Variants in COX10 observed in about 807,000 individuals in gnomAD.
COX10 encodes cytochrome c oxidase assembly factor heme A:farnesyltransferase COX10, also known as protoheme IX farnesyltransferase, mitochondrial.
A neutral mutation model predicts 37.3 loss-of-function variants in COX10; 27 were observed. That is an observed-to-expected ratio of 0.72 (90% CI 0.53 to 1.00). The LOEUF (loss-of-function observed/expected upper bound fraction) is 1.00, where lower values mean the gene tolerates loss of function less well. Among genes scored for constraint, COX10 ranks in the 50% least tolerant of loss-of-function variants. The pLI is 0.00. For synonymous variants in COX10, 222 were observed against 229.1 expected (o/e 0.97, Z 0.28); for missense variants, 475 against 563.2 (o/e 0.84, Z 1.59).
At chr17:14,120,441 AG>A (rs1355018144) in intron 4 of COX10, among the ~76,000 whole-genome samples, 1 of 152,242 alleles carries the variant, frequency 6.6e-6, no homozygotes, top group African/African-American at 2.4e-5. Context: ...GACATAAAGA[AG>A]AAAACCAAGG....
chr17:14,192,174 T>A lies in COX10; in HGVS notation c.881T>A (p.Ile294Asn). 1 of 1,614,234 alleles carries A rather than the reference T, an allele frequency of 6.2e-7. No homozygotes were observed. Among genetic ancestry groups the A allele is most frequent in the Non-Finnish European group, 8.5e-7 (1 of 1,180,026 alleles). The stretch of plus-strand genomic sequence containing the variant: ...TGGGTCGGAGCTGTGGTTGGGGCCA[T>A]CCCGCCTGTCATGGGCTGGACAGCG... ...NTWVGAVVGA[I>N]PPVMGWTAAT... is the part of the protein sequence containing the mutation. Residue 294 changes from isoleucine (I) to asparagine (N), a missense_variant, in exon 6 of 7, where the codon ATC (isoleucine) becomes AAC (asparagine). Physicochemically the swap from Ile to Asn is moderately radical, Grantham distance 149. Transcript: ENST00000261643.
At chr17:14,162,897 G>A (rs985319808) in intron 5 of COX10, among the ~76,000 whole-genome samples, 38 of 152,256 alleles carry the variant, frequency 2.5e-4, no homozygotes, top group African/African-American at 7.5e-4. Flanking sequence ...TGCATTTGGC[G>A]GAAAATTCAG....
At chr17:14,090,660 T>A (rs1185932986) in intron 3 of COX10, among the ~76,000 whole-genome samples, 1 of 152,192 alleles carries the variant, frequency 6.6e-6, no homozygotes, top group African/African-American at 2.4e-5. Flanking sequence ...CTCAAACATG[T>A]ATACCTCACC....
At chr17:14,122,720 C>T (rs1161274813) in intron 4 of COX10, among the ~76,000 whole-genome samples, 4 of 152,172 alleles carry the variant, frequency 2.6e-5, no homozygotes, top group Non-Finnish European at 4.4e-5. Context: ...AGAATACTTG[C>T]ACCATCTCTT....
chr17:14,097,464 G>A (rs959978823), intron 3 of COX10, among the ~76,000 whole-genome samples: 5 of 151,788 alleles, frequency 3.3e-5, no homozygotes, highest in Non-Finnish European at 7.4e-5. Flanking sequence ...TCATTATTAT[G>A]TCTTACTATA....
In COX10 at chr17:14,097,045, C is replaced by A. The variant is rs537307024; in HGVS notation, c.500-5073C>A. 9.2e-5 allele frequency among the ~76,000 whole-genome samples: 14 copies of A among 152,126 alleles called. No homozygotes were observed. The South Asian group carries it at 2.9e-3, about 32-fold the overall frequency. On this transcript the variant is annotated intron_variant, in intron 3 of 6. Transcript: ENST00000261643. The stretch of plus-strand genomic sequence containing the variant: ...GATTTTATGTTTATTTGTGAAAGGG[C>A]AGAATACGAGATTACCAAATAAAAT...
In COX10 at chr17:14,112,348, C is replaced by T. The variant is rs557040492; in HGVS notation, c.624+10106C>T. Among the ~76,000 whole-genome samples the T allele has an allele frequency of 4.6e-5, 7 of 152,244 alleles. No homozygotes were observed. In the East Asian group the frequency reaches 1.2e-3, roughly 25 times the overall value. On this transcript the variant is annotated intron_variant, in intron 4 of 6. Coordinates refer to ENST00000261643, the MANE Select transcript of COX10 (RefSeq NM_001303.4). ...GCAGTTGAAATCCTCTTGACATTCA[C>T]CCACCTATTAGAAAGTAATTCTGAT...
intron 5 of COX10, chr17:14,179,232 A>G (rs1214138708): frequency 1.5e-5 from 15 of 983,564 alleles, no homozygotes; most frequent in Non-Finnish European, 1.8e-5. Flanking sequence ...GACACCGTTC[A>G]TCTACCATCT....
At chr17:14,077,312 T>C (rs574727645) in intron 3 of COX10, 1 of 454,816 alleles carries the variant, frequency 2.2e-6, no homozygotes, top group South Asian at 2.4e-5. Flanking sequence ...GTTGAATGTT[T>C]ATCCTGCTTA....
chr17:14,156,830 T>G (rs951191728), intron 4 of COX10, among the ~76,000 whole-genome samples: 23 of 152,208 alleles, frequency 1.5e-4, no homozygotes, highest in African/African-American at 4.8e-4. Flanking sequence ...TTTGCACAAC[T>G]CTGTCCTTCT....
Position 14,207,507 on chromosome 17 carries a change from T to TG in COX10, c.*299dup. 2.6e-6 allele frequency: 1 copy of TG among 390,446 alleles called. No individual in the cohort carries two copies. The highest frequency in any genetic ancestry group is 5.0e-5 in the East Asian group (1 of 20,190). 24.2% of individuals were successfully genotyped at this position (390,446 alleles called of 1,614,324 possible). On this transcript the variant is annotated 3_prime_UTR_variant, in exon 7 of 7. Coordinates refer to ENST00000261643, the MANE Select transcript of COX10 (RefSeq NM_001303.4). ...TCTATTCTGTTTCTTCCTCCTCACA[T>TG]GGGGGTACACATACACAGCTTCCTC... is the stretch of plus-strand genomic sequence containing the variant.
At chr17:14,169,582 T>A (rs1201921671) in intron 5 of COX10, among the ~76,000 whole-genome samples, 1 of 152,256 alleles carries the variant, frequency 6.6e-6, no homozygotes, top group African/African-American at 2.4e-5. Flanking sequence ...TGACTCACAG[T>A]TCCACATGGC....
intron 4 of COX10, among the ~76,000 whole-genome samples, chr17:14,123,124 G>A (rs562137045): frequency 2.1e-4 from 32 of 152,306 alleles, no homozygotes; most frequent in Admixed American, 4.6e-4. Context: ...ACAGTTCTCT[G>A]AGGTATATGG....
chr17:14,168,343 A>G (rs1291666521), intron 5 of COX10, among the ~76,000 whole-genome samples: 1 of 152,196 alleles, frequency 6.6e-6, no homozygotes, highest in Non-Finnish European at 1.5e-5. Context: ...ATGGGCTGCC[A>G]TTGAGTGCCT....
Position 14,159,742 on chromosome 17 carries a change from A to G in COX10, c.625-135A>G, listed in dbSNP as rs1179512035. ...TTTGTTTTTTTGGAATTTTTCTTCA[A>G]GAAGTGCCAGGGTATTGATTTATGC... On this transcript the variant is annotated intron_variant, in intron 4 of 6. Transcript: ENST00000261643. 9.5e-5 allele frequency: 64 copies of G among 670,464 alleles called. No homozygotes were observed. In the South Asian group the frequency reaches 1.1e-3, roughly 12 times the overall value. The allele number at this position is 670,464 out of a possible 1,614,324, so 41.5% of individuals were successfully genotyped here.
chr17:14,104,964 C>A (rs1348052022), intron 4 of COX10, among the ~76,000 whole-genome samples: 1 of 152,068 alleles, frequency 6.6e-6, no homozygotes, highest in Non-Finnish European at 1.5e-5. Flanking sequence ...TGGAAAAATC[C>A]ATAAAATGTT....
At chr17:14,154,171 G>T (rs1373139500) in intron 4 of COX10, among the ~76,000 whole-genome samples, 1 of 152,118 alleles carries the variant, frequency 6.6e-6, no homozygotes, top group Non-Finnish European at 1.5e-5. Context: ...TAACATTTTG[G>T]GGTGATTTGA....
chr17:14,133,344 C>T (rs936709042), intron 4 of COX10, among the ~76,000 whole-genome samples: 1 of 151,458 alleles, frequency 6.6e-6, no homozygotes, highest in Non-Finnish European at 1.5e-5. Context: ...TTTGGACTAA[C>T]TGGATTTGTA....
In COX10 at chr17:14,151,048, T is replaced by C. The variant is rs1904878489; in HGVS notation, c.625-8829T>C. On this transcript the variant is annotated intron_variant, in intron 4 of 6. Coordinates refer to ENST00000261643, the MANE Select transcript of COX10 (RefSeq NM_001303.4). Reference sequence around the variant, plus strand: ...TGAAAATGATAACATTATGAAAAACTAATTATTATAAAGCACAGGAAAAAA... The same window carrying C: ...TGAAAATGATAACATTATGAAAAACCAATTATTATAAAGCACAGGAAAAAA... Among the ~76,000 whole-genome samples the C allele has an allele frequency of 1.4e-5, 2 of 142,574 alleles. 1 individual carries two copies. Among genetic ancestry groups the C allele is most frequent in the South Asian group, 4.5e-4 (2 of 4,494 alleles). 93.5% of individuals were successfully genotyped at this position (142,574 alleles called of 152,430 possible).
Sources: allele counts gnomAD v4.1 joint callset (sites outside exome capture counted in the v4.1 genomes callset), GRCh38; gene constraint gnomAD v4.1.1; transcripts MANE v1.5; gene names NCBI Gene and HGNC (gene_info 2026-07-23, HGNC 2026-07-21).